Variants in TMEFF2 observed in about 807,000 individuals in gnomAD.
TMEFF2 encodes the protein tomoregulin-2.
A neutral mutation model predicts 53.8 loss-of-function variants in TMEFF2; 28 were observed. That is an observed-to-expected ratio of 0.52 (90% CI 0.39 to 0.71). The LOEUF is 0.71. TMEFF2 is among the 30% of genes least tolerant of loss of function. TMEFF2 has a pLI of 0.00. For missense variants in TMEFF2, 353 were observed against 455.2 expected (o/e 0.78, Z 2.04); for synonymous variants, 162 against 166.3 (o/e 0.97, Z 0.20).
intron 5 of TMEFF2, among the ~76,000 whole-genome samples, chr2:192,015,599 A>C (rs1263207710): frequency 6.6e-6 from 1 of 152,200 alleles, no homozygotes; most frequent in Non-Finnish European, 1.5e-5. Context: ...TAAGCAGTCC[A>C]CACTAAATAA....
chr2:192,180,050 G>A (rs1427715759), intron 3 of TMEFF2, among the ~76,000 whole-genome samples: 2 of 151,510 alleles, frequency 1.3e-5, no homozygotes, highest in Non-Finnish European at 3.0e-5. Context: ...GTAAGTTTCA[G>A]AAATTAAATA....
intron 4 of TMEFF2, among the ~76,000 whole-genome samples, chr2:192,101,066 C>T (rs1689020510): frequency 6.6e-6 from 1 of 152,136 alleles, no homozygotes; most frequent in Admixed American, 6.6e-5. Flanking sequence ...AAGAACAGAG[C>T]ATTGCAAACT....
chr2:192,057,301 G>A (rs1687934023), intron 5 of TMEFF2, among the ~76,000 whole-genome samples: 1 of 152,152 alleles, frequency 6.6e-6, no homozygotes, highest in Admixed American at 6.5e-5. Context: ...TCCTGCCTTG[G>A]CCTCCCAAAG....
intron 5 of TMEFF2, among the ~76,000 whole-genome samples, chr2:192,011,102 G>A (rs1375736589): frequency 6.6e-6 from 1 of 152,150 alleles, no homozygotes. Context: ...TGAAGAAAAC[G>A]GGTTGGAGAT....
At chr2:192,133,539 A>G (rs1302764365) in intron 4 of TMEFF2, among the ~76,000 whole-genome samples, 2 of 152,230 alleles carry the variant, frequency 1.3e-5, no homozygotes, top group South Asian at 2.1e-4. Flanking sequence ...AAGCCTTACA[A>G]GTTAGTTCAG....
chr2:191,952,414 G>A (rs1691913312), intron 9 of TMEFF2, among the ~76,000 whole-genome samples: 3 of 152,196 alleles, frequency 2.0e-5, no homozygotes, highest in Admixed American at 2.0e-4. Context: ...TGTTTTTCAT[G>A]TACTGATATT....
At chr2:192,031,129 T>C (rs1347460136) in intron 5 of TMEFF2, among the ~76,000 whole-genome samples, 3 of 152,222 alleles carry the variant, frequency 2.0e-5, no homozygotes, top group African/African-American at 7.2e-5. Context: ...GGTCATCCTA[T>C]CTGAAATTGC....
Position 191,949,714 on chromosome 2 carries a change from C to CAGAG in TMEFF2, c.*593_*596dup, listed in dbSNP as rs769352430. 3 of 985,146 alleles carry CAGAG rather than the reference C, an allele frequency of 3.0e-6. No individual in the cohort carries two copies. The Admixed American group carries it at 1.8e-4, about 61-fold the overall frequency. The allele number at this position is 985,146 out of a possible 1,614,324, so 61.0% of individuals were successfully genotyped here. ...TTCTTCTTTTATTTAGTTTATATGC[C>CAGAG]AGAGATTTTTCTGCTCTAGGGATGA... On this transcript the variant is annotated 3_prime_UTR_variant, in exon 10 of 10. Coordinates refer to ENST00000272771, the MANE Select transcript of TMEFF2 (RefSeq NM_016192.4).
At chr2:192,180,673 A>G (rs1691164871) in intron 3 of TMEFF2, among the ~76,000 whole-genome samples, 2 of 151,750 alleles carry the variant, frequency 1.3e-5, no homozygotes, top group African/African-American at 4.8e-5. Flanking sequence ...TTTACGGTCC[A>G]ATTAAAATAA....
intron 4 of TMEFF2, among the ~76,000 whole-genome samples, chr2:192,101,443 T>A (rs1163621469): frequency 2.0e-5 from 3 of 152,246 alleles, no homozygotes; most frequent in African/African-American, 7.2e-5. Flanking sequence ...ATAATTTGTG[T>A]GGTATTTGTT....
At chr2:192,155,108 T>C (rs1690477616) in intron 4 of TMEFF2, among the ~76,000 whole-genome samples, 1 of 152,004 alleles carries the variant, frequency 6.6e-6, no homozygotes. Flanking sequence ...GGTGTTGTAC[T>C]ATACAATTTT....
chr2:192,075,285 TTATATATATATA>T (rs111733023), intron 4 of TMEFF2, among the ~76,000 whole-genome samples: 1,029 of 65,750 alleles, frequency 0.016, 74 homozygotes, highest in African/African-American at 0.059. Flanking sequence ...TACAGTACTA[TTATATATATATA>T]TATATATATA....
At chr2:192,041,533 G>A (rs561379859) in intron 5 of TMEFF2, among the ~76,000 whole-genome samples, 1 of 152,218 alleles carries the variant, frequency 6.6e-6, no homozygotes, top group South Asian at 2.1e-4. Context: ...AGTGTTGCAG[G>A]TACTTTGGAA....
rs111469626 is a variant in TMEFF2, at chr2:192,030,993, G to A, written c.536+26686C>T. Among the ~76,000 whole-genome samples the A allele has an allele frequency of 3.0e-3, 457 of 152,290 alleles. 3 individuals carry two copies. Among genetic ancestry groups the A allele is most frequent in the African/African-American group, 0.01 (436 of 41,572 alleles). ...AACAGATACCTAAAATAGAGTGCATGTGGTTGGTGCTTACATAAATGTTTG... is the reference window on the plus strand; with the variant it reads ...AACAGATACCTAAAATAGAGTGCATATGGTTGGTGCTTACATAAATGTTTG... On this transcript the variant is annotated intron_variant, in intron 5 of 9. Transcript: ENST00000272771.
intron 7 of TMEFF2, among the ~76,000 whole-genome samples, chr2:191,984,820 C>CCAAT (rs1397857839): frequency 4.0e-5 from 6 of 151,884 alleles, no homozygotes; most frequent in African/African-American, 1.5e-4. Flanking sequence ...GAGATTTAAG[C>CCAAT]CAATCAGTGG....
chr2:192,166,641 C>T (rs1164944973), intron 4 of TMEFF2, among the ~76,000 whole-genome samples: 2 of 152,074 alleles, frequency 1.3e-5, no homozygotes, highest in African/African-American at 4.8e-5. Flanking sequence ...CAAGCAGTTA[C>T]AATACTAGAC....
At chr2:191,983,901 C>G (rs566459691) in intron 7 of TMEFF2, among the ~76,000 whole-genome samples, 1 of 152,234 alleles carries the variant, frequency 6.6e-6, no homozygotes, top group East Asian at 1.9e-4. Context: ...TGAGAAAGAA[C>G]TTTTCTTTTC....
At chr2:192,159,628 T>C (rs1457522605) in intron 4 of TMEFF2, among the ~76,000 whole-genome samples, 3 of 152,174 alleles carry the variant, frequency 2.0e-5, no homozygotes, top group Non-Finnish European at 4.4e-5. Flanking sequence ...GTAGTCCCTT[T>C]GAGCAATGGC....
At position 192,171,779 on chromosome 2, in the gene TMEFF2, G is replaced by A. The variant is rs145152304; in HGVS notation, c.439+7889C>T. Among the ~76,000 whole-genome samples the A allele has an allele frequency of 9.2e-5, 14 of 151,870 alleles. 1 individual carries two copies. The East Asian group carries it at 1.7e-3, about 19-fold the overall frequency. ...GATCACCCCAAATTAGTAACCTCTC[G>A]TTTCCCTTCTATCACTTTCCTCTTG... On this transcript the variant is annotated intron_variant, in intron 4 of 9. Transcript: ENST00000272771.
Sources: gnomAD v4.1 joint callset for allele counts (sites outside exome capture counted in the v4.1 genomes callset) on GRCh38, gnomAD v4.1.1 for gene constraint, MANE v1.5 for transcripts, NCBI Gene and HGNC (gene_info 2026-07-23, HGNC 2026-07-21) for gene names.